Variants in PKD1L3 observed in about 807,000 individuals in gnomAD.
PKD1L3 encodes the protein polycystin 1 like 3, transient receptor potential channel interacting.
Under a neutral mutation model 184.1 loss-of-function variants are expected in PKD1L3, and 239 were observed. The observed-to-expected ratio is 1.30, with a 90% CI of 1.17 to 1.45. The LOEUF (loss-of-function observed/expected upper bound fraction) is 1.45. Among genes scored for constraint, PKD1L3 ranks in the 40% most tolerant of loss-of-function variants. The probability of loss-of-function intolerance (pLI) is 0.00; values close to 1 mark genes in which losing one functional copy is unlikely to be tolerated. For synonymous variants in PKD1L3, 996 were observed against 778.8 expected, an observed-to-expected ratio of 1.28 and a Z score of -4.64; for missense variants, 2,660 against 2,067.2, an observed-to-expected ratio of 1.29 and a Z score of -5.56.
intron 2 of PKD1L3, among the ~76,000 whole-genome samples, chr16:71,997,003 G>C (rs1243504209): frequency 2.1e-5 from 3 of 141,702 alleles, no homozygotes; most frequent in African/African-American, 5.3e-5. Context: ...GTTATCACCT[G>C]ACCTAAGAAT....
At position 71,968,038 on chromosome 16, in the gene PKD1L3, T is replaced by C. The variant is rs762766627; in HGVS notation, c.2185-31A>G. 1.3e-5 allele frequency: 19 copies of C among 1,511,948 alleles called. 1 individual carries two copies. In the South Asian group the frequency reaches 2.3e-4, roughly 18 times the overall value. The allele number at this position is 1,511,948 out of a possible 1,614,324, so 93.7% of individuals were successfully genotyped here. Reference sequence around the variant, plus strand: ...AGAAAAGCAGAACCATGCAACTTACTAGGCCTCCACTTGGTATAGTTCCTG... The same window carrying C: ...AGAAAAGCAGAACCATGCAACTTACCAGGCCTCCACTTGGTATAGTTCCTG... On this transcript the variant is annotated intron_variant, in intron 13 of 29. Transcript: ENST00000620267.
At chr16:71,990,130 T>A in intron 4 of PKD1L3, 150 bp downstream of exon 4, 1 of 452,002 alleles carries the variant, frequency 2.2e-6, no homozygotes, top group Non-Finnish European at 3.5e-6. Context: ...ACCTATTAAA[T>A]CCAATTTTTT....
rs984196251 is a variant in PKD1L3 at position 71,963,312 on chromosome 16, C to A, written c.2505G>T (p.Lys835Asn). 3 of 1,551,256 alleles carry A rather than the reference C, an allele frequency of 1.9e-6. No individual in the cohort carries two copies. Among genetic ancestry groups the A allele is most frequent in the African/African-American group, 2.7e-5 (2 of 73,042 alleles). The change falls in exon 16 of 30, where the codon AAG (lysine) becomes AAT (asparagine). Residue 835 changes from lysine to asparagine, a missense_variant. Coordinates refer to ENST00000620267, the MANE Select transcript of PKD1L3 (RefSeq NM_181536.2). ...AATTGCACAGGAAATGCCACTTCCT[C>A]TTAACTGCCATGTCACAGACAATTA... Reference protein sequence around the residue: ...SQVIVCDMAVKRKWHFLCNCW... With the variant: ...SQVIVCDMAVNRKWHFLCNCW...
chr16:71,983,155 T>C (rs1191466768), intron 6 of PKD1L3, among the ~76,000 whole-genome samples: 2 of 152,134 alleles, frequency 1.3e-5, no homozygotes, highest in South Asian at 2.1e-4. Context: ...GTTTTTTGTC[T>C]TTTTAATTTC....
At chr16:71,957,472 T>C (rs1191589876) in intron 16 of PKD1L3, among the ~76,000 whole-genome samples, 1 of 152,068 alleles carries the variant, frequency 6.6e-6, no homozygotes, top group East Asian at 1.9e-4. Context: ...ACAAGAGACA[T>C]AATTTAGATA....
intron 1 of PKD1L3, among the ~76,000 whole-genome samples, chr16:71,998,912 A>T (rs2040877646): frequency 6.6e-6 from 1 of 152,220 alleles, no homozygotes; most frequent in Non-Finnish European, 1.5e-5. Flanking sequence ...GAAGATGATG[A>T]GAATGATATA....
chr16:71,960,805 C>G (rs902249520), intron 16 of PKD1L3, among the ~76,000 whole-genome samples: 13 of 152,090 alleles, frequency 8.5e-5, no homozygotes, highest in African/African-American at 2.9e-4. Flanking sequence ...TGCCTGTAAT[C>G]CTAGCTACTC....
intron 4 of PKD1L3, among the ~76,000 whole-genome samples, chr16:71,989,648 T>C (rs576526951): frequency 5.9e-5 from 9 of 152,222 alleles, no homozygotes; most frequent in Non-Finnish European, 7.3e-5. Flanking sequence ...CCCTTTCTGT[T>C]AGATGTTTAC....
chr16:71,972,143 G>A (rs1352793838), intron 12 of PKD1L3, among the ~76,000 whole-genome samples: 1 of 151,992 alleles, frequency 6.6e-6, no homozygotes, highest in Non-Finnish European at 1.5e-5. Flanking sequence ...ATGAACCTGG[G>A]AGGCAGAGTT....
chr16:71,998,129 C>G lies in PKD1L3; in HGVS notation c.418+143G>C, dbSNP rs2040855638. 4.4e-6 allele frequency: 5 copies of G among 1,130,052 alleles called. No individual in the cohort carries two copies. The African/African-American group carries it at 8.0e-5, about 18-fold the overall frequency. 70.0% of individuals were successfully genotyped at this position (1,130,052 alleles called of 1,614,324 possible). ...CTCCAGATAATTTTCTCATGCTAAT[C>G]AGCATCATGAAAATCAAAAGCCCTG... On this transcript the variant is annotated intron_variant, in intron 2 of 29. Coordinates refer to ENST00000620267, the MANE Select transcript of PKD1L3 (RefSeq NM_181536.2).
intron 21 of PKD1L3, among the ~76,000 whole-genome samples, chr16:71,948,325 C>T (rs569476074): frequency 1.3e-4 from 20 of 152,212 alleles, no homozygotes; most frequent in Admixed American, 2.6e-4. Context: ...TCAGGTAATC[C>T]GCCTGCCTCG....
At chr16:71,986,106 T>C in intron 5 of PKD1L3, 115 bp downstream of exon 5, 15 of 1,348,870 alleles carry the variant, frequency 1.1e-5, no homozygotes, top group Non-Finnish European at 1.4e-5. Flanking sequence ...TGGATTGGCA[T>C]ATACGCTGGT....
Position 71,953,111 on chromosome 16 carries a change from C to T in PKD1L3, c.2810-18G>A, listed in dbSNP as rs2038913304. On this transcript the variant is annotated intron_variant, in intron 17 of 29. Transcript: ENST00000620267. ...TGGACGCACTGAAAGAAAAGCATGA[C>T]ATCAACTTTCATCTTCAACAATTAA... 3 of 1,436,968 alleles carry T rather than the reference C, an allele frequency of 2.1e-6. No individual in the cohort carries two copies. The highest frequency in any genetic ancestry group is 1.5e-5 in the African/African-American group (1 of 67,676). 89.0% of individuals were successfully genotyped at this position (1,436,968 alleles called of 1,614,324 possible). A position where few individuals can be genotyped will look rare whatever the true frequency, so the allele number is the denominator to read the frequency against.
At chr16:71,978,884 G>A (rs1397551069) in intron 9 of PKD1L3, among the ~76,000 whole-genome samples, 2 of 151,928 alleles carry the variant, frequency 1.3e-5, no homozygotes, top group African/African-American at 2.4e-5. Flanking sequence ...TACTAATACC[G>A]CAAATGAAAT....
chr16:72,000,102 G>T lies in PKD1L3; in HGVS notation c.-124C>A. The T allele has an allele frequency of 1.2e-6, 1 of 830,648 alleles. No individual in the cohort carries two copies. Among genetic ancestry groups the T allele is most frequent in the Non-Finnish European group, 1.7e-6 (1 of 582,376 alleles). The allele number at this position is 830,648 out of a possible 1,614,324, so 51.5% of individuals were successfully genotyped here. ...TTATGAATTGGGAACAATTTACCAA[G>T]GATACAAAAGGTTTTGTTTTGAGGA... On this transcript the variant is annotated 5_prime_UTR_variant, in exon 1 of 30. Transcript: ENST00000620267.
intron 12 of PKD1L3, 27 bp from the exon 13 acceptor site, chr16:71,970,132 C>G (rs771701029): frequency 1.3e-6 from 2 of 1,529,120 alleles, no homozygotes; most frequent in Non-Finnish European, 1.8e-6. Context: ...GACGTTGATT[C>G]TAGTCAGACA....
chr16:71,999,971 A>C lies in PKD1L3; in HGVS notation c.8T>G (p.Phe3Cys), dbSNP rs1185409330. The change falls in exon 1 of 30, where the codon TTC becomes TGC. Residue 3 changes from phenylalanine to cysteine, a missense_variant. Coordinates refer to ENST00000620267, the MANE Select transcript of PKD1L3 (RefSeq NM_181536.2). Reference sequence around the variant, plus strand: ...TAACCAAAGCCAGCTTCCTCCTTTGAAGAACATTTTCTCTGAATTGTAGCA... The same window carrying C: ...TAACCAAAGCCAGCTTCCTCCTTTGCAGAACATTTTCTCTGAATTGTAGCA... MF[F>C]KGGSWLWLYI... The C allele has an allele frequency of 6.6e-7, 1 of 1,519,000 alleles. No individual in the cohort carries two copies. Among genetic ancestry groups the C allele is most frequent in the Non-Finnish European group, 8.9e-7 (1 of 1,125,892 alleles). The allele number at this position is 1,519,000 out of a possible 1,614,324, so 94.1% of individuals were successfully genotyped here.
At chr16:71,968,167 C>G in intron 13 of PKD1L3, among the ~76,000 whole-genome samples, 160 bp from the exon 14 acceptor site, 1 of 152,130 alleles carries the variant, frequency 6.6e-6, no homozygotes, top group East Asian at 1.9e-4. Context: ...ATGAGCAGAC[C>G]TAAGTCACTA....
intron 16 of PKD1L3, among the ~76,000 whole-genome samples, chr16:71,955,266 A>ATG (rs936304004): frequency 1.5e-4 from 23 of 151,212 alleles, no homozygotes; most frequent in African/African-American, 3.2e-4. Context: ...AAGGGATGGT[A>ATG]TGTGTGTGTG....
Sources: gnomAD v4.1 joint callset for allele counts (sites outside exome capture counted in the v4.1 genomes callset) on GRCh38, gnomAD v4.1.1 for gene constraint, MANE v1.5 for transcripts, NCBI Gene and HGNC (gene_info 2026-07-23, HGNC 2026-07-21) for gene names.